The following ADGRE3 variants were observed in gnomAD, a reference collection of about 807,000 sequenced individuals.
ADGRE3 encodes the protein EGF-like module receptor 3.
Under a neutral mutation model 80.1 loss-of-function variants are expected in ADGRE3, and 88 were observed. The observed-to-expected ratio is 1.10, with a 90% confidence interval of 0.93 to 1.31. The LOEUF is 1.31. ADGRE3 is among the 40% of genes most tolerant of loss of function. The pLI is 0.00. For synonymous variants in ADGRE3, 281 were observed against 294.8 expected, an observed-to-expected ratio of 0.95 and a Z score of 0.48; for missense variants, 715 against 776.5, an observed-to-expected ratio of 0.92 and a Z score of 0.94.
At chr19:14,670,825 G>A (rs1053152320) in intron 1 of ADGRE3, among the ~76,000 whole-genome samples, 3 of 152,166 alleles carry the variant, frequency 2.0e-5, no homozygotes, top group Non-Finnish European at 1.5e-5. Flanking sequence ...GGTTAAACAC[G>A]GGTTCTGGGT....
chr19:14,651,205 C>G lies in ADGRE3; in HGVS notation c.578-1G>C, dbSNP rs765038863. On this transcript the variant is annotated splice_acceptor_variant, in intron 6 of 15. Transcript: ENST00000253673. LOFTEE classifies it high-confidence loss of function. ...TCTGTAATCGCTTGAGTTTCAATAG[C>G]TGGTAAGAAAAGCAATGGGCAGGCT... 6.2e-7 allele frequency: 1 copy of G among 1,614,004 alleles called. No homozygotes were observed. Among genetic ancestry groups the G allele is most frequent in the Non-Finnish European group, 8.5e-7 (1 of 1,179,938 alleles).
At chr19:14,650,064 C>A in intron 7 of ADGRE3, among the ~76,000 whole-genome samples, 1 of 149,826 alleles carries the variant, frequency 6.7e-6, no homozygotes, top group South Asian at 2.2e-4. Context: ...CTCTCCCCAT[C>A]TCTTGCTTTT....
chr19:14,641,951 A>C (rs1971263998), intron 9 of ADGRE3, among the ~76,000 whole-genome samples: 1 of 152,174 alleles, frequency 6.6e-6, no homozygotes, highest in Non-Finnish European at 1.5e-5. Context: ...ACTCATATTA[A>C]ATGTATACAC....
intron 4 of ADGRE3, among the ~76,000 whole-genome samples, chr19:14,658,759 G>C (rs1971849573): frequency 1.3e-5 from 2 of 151,904 alleles, no homozygotes; most frequent in Non-Finnish European, 1.5e-5. Context: ...TTTTGAGACA[G>C]AGTCTCACTC....
chr19:14,619,646 T>G (rs1454868889), intron 15 of ADGRE3, among the ~76,000 whole-genome samples, 175 bp from the exon 16 acceptor site: 3 of 152,216 alleles, frequency 2.0e-5, no homozygotes, highest in Non-Finnish European at 4.4e-5. Context: ...CTTCTTTGGC[T>G]TAGAGTGGGA....
rs187187787 is a variant in ADGRE3 at position 14,665,611 on chromosome 19, T to G, written c.77-2071A>C. On this transcript the variant is annotated intron_variant, in intron 2 of 15. Transcript: ENST00000253673. ...CTCAAGCGATCCTCCTACCTCAGCC[T>G]TCTGAGTAGTTGAGATTACAGGCAT... Among the ~76,000 whole-genome samples the G allele has an allele frequency of 6.0e-4, 91 of 152,008 alleles. 1 individual carries two copies. The highest frequency in any genetic ancestry group is 2.1e-3 in the African/African-American group (89 of 41,488).
rs117062250 is a variant in ADGRE3 at position 14,673,386 on chromosome 19, T to C, written c.25+1360A>G. 2.0e-3 allele frequency among the ~76,000 whole-genome samples: 311 copies of C among 152,338 alleles called. 6 individuals are homozygous for C. In the East Asian group the frequency reaches 0.052, roughly 26 times the overall value. On this transcript the variant is annotated intron_variant, in intron 1 of 15. Coordinates refer to ENST00000253673, the MANE Select transcript of ADGRE3 (RefSeq NM_032571.5). Reference sequence around the variant, plus strand: ...TTGATTGATATTGGGACTATCAATATTGTTAATTCATCTGGAGCTGGAAAG... The same window carrying C: ...TTGATTGATATTGGGACTATCAATACTGTTAATTCATCTGGAGCTGGAAAG...
chr19:14,627,485 C>T (rs1180608310), intron 14 of ADGRE3, among the ~76,000 whole-genome samples: 2 of 152,094 alleles, frequency 1.3e-5, no homozygotes, highest in East Asian at 3.9e-4. Flanking sequence ...TAAAGTGATT[C>T]TCTAGCCTCA....
chr19:14,668,797 C>T lies in ADGRE3; in HGVS notation c.76+5G>A, dbSNP rs763983907. On this transcript the variant is annotated splice_donor_5th_base_variant and intron_variant, in intron 2 of 15. Transcript: ENST00000253673. ...AAGTTCTCTGTTCTGGCTCTGAGCA[C>T]TCACTTTTGGTTTTCTGAGTCACAG... The T allele has an allele frequency of 1.2e-6, 2 of 1,613,738 alleles. No homozygotes were observed. The highest frequency in any genetic ancestry group is 1.7e-6 in the Non-Finnish European group (2 of 1,179,810).
chr19:14,601,045 G>A, the ADGRE3 span, among the ~76,000 whole-genome samples: 18 of 151,914 alleles, frequency 1.2e-4, no homozygotes, highest in African/African-American at 4.4e-4. Context: ...TGGGATTGCA[G>A]GCATGTGCCA....
At chr19:14,667,132 G>C (rs537461311) in intron 2 of ADGRE3, among the ~76,000 whole-genome samples, 22 of 152,288 alleles carry the variant, frequency 1.4e-4, no homozygotes, top group African/African-American at 5.1e-4. Context: ...AGAACTCTGG[G>C]AATGGGACTT....
intron 15 of ADGRE3, among the ~76,000 whole-genome samples, chr19:14,620,478 TACA>T: frequency 3.7e-5 from 1 of 26,856 alleles, no homozygotes; most frequent in Non-Finnish European, 7.5e-5. Context: ...ATATTATGAG[TACA>T]TATGAATATA....
At chr19:14,641,980 A>T (rs1397338342) in intron 9 of ADGRE3, among the ~76,000 whole-genome samples, 1 of 152,146 alleles carries the variant, frequency 6.6e-6, no homozygotes, top group African/African-American at 2.4e-5. Context: ...GTTTGGACAT[A>T]TGATTTTTTT....
intron 13 of ADGRE3, 91 bp from the exon 14 acceptor site, chr19:14,630,298 G>C (rs535726124): frequency 2.1e-5 from 22 of 1,051,948 alleles, no homozygotes; most frequent in Admixed American, 1.2e-4. Context: ...AAGAACTCTG[G>C]AGCTAGACTA....
intron 7 of ADGRE3, among the ~76,000 whole-genome samples, chr19:14,649,288 C>T (rs1971512972): frequency 6.7e-6 from 1 of 149,756 alleles, no homozygotes; most frequent in East Asian, 2.0e-4. Flanking sequence ...CTCTCCATCT[C>T]GCTTTTGATC....
chr19:14,602,624 T>G, the ADGRE3 span, among the ~76,000 whole-genome samples: 1 of 152,220 alleles, frequency 6.6e-6, no homozygotes, highest in Non-Finnish European at 1.5e-5. Flanking sequence ...TTACATTTAA[T>G]ATAATTACTG....
At position 14,630,043 on chromosome 19, in the gene ADGRE3, TGGCTGAGGA is replaced by T. The variant is rs779663128; in HGVS notation, c.1799_1807del (p.Leu600_Ser602del). The T allele has an allele frequency of 9.4e-5, 151 of 1,603,260 alleles. No individual in the cohort carries two copies. The highest frequency in any genetic ancestry group is 9.7e-5 in the Non-Finnish European group (114 of 1,174,954). On this transcript the variant is annotated inframe_deletion, in exon 14 of 16. Coordinates refer to ENST00000253673, the MANE Select transcript of ADGRE3 (RefSeq NM_032571.5). The stretch of plus-strand genomic sequence containing the variant: ...AAGAAAGGGGTCAGTGTTTACCTGC[TGGCTGAGGA>T]GGCAGTAGACCAAGAAGATGAAGAA...
chr19:14,663,945 C>G (rs1164991873), intron 2 of ADGRE3, among the ~76,000 whole-genome samples: 1 of 152,100 alleles, frequency 6.6e-6, no homozygotes, highest in Non-Finnish European at 1.5e-5. Context: ...CCCAGCCCCC[C>G]ACTCCCCTGA....
intron 15 of ADGRE3, among the ~76,000 whole-genome samples, chr19:14,620,540 T>TGACTATATATGA (rs1568471393): frequency 6.2e-5 from 1 of 16,206 alleles, no homozygotes; most frequent in South Asian, 2.6e-3. Context: ...ATATATTTTA[T>TGACTATATATGA]ATATATATTA....
Sources: gnomAD v4.1 joint callset for allele counts (sites outside exome capture counted in the v4.1 genomes callset) on GRCh38, gnomAD v4.1.1 for gene constraint, MANE v1.5 for transcripts, NCBI Gene and HGNC (gene_info 2026-07-23, HGNC 2026-07-21) for gene names.